The following SLC43A1 variants were observed in gnomAD, a reference collection of about 807,000 sequenced individuals.
SLC43A1 encodes large neutral amino acids transporter small subunit 3.
SLC43A1 carries 31 observed loss-of-function variants against 59.5 expected under a neutral mutation model. The observed-to-expected ratio is 0.52, with a 90% CI of 0.39 to 0.70. The LOEUF (loss-of-function observed/expected upper bound fraction) is 0.70, where lower values mean the gene tolerates loss of function less well. Among genes scored for constraint, SLC43A1 ranks in the 30% least tolerant of loss-of-function variants. The pLI is 0.00. For missense variants in SLC43A1, 598 were observed against 717.8 expected (o/e 0.83, Z 1.91); for synonymous variants, 259 against 290.9 (o/e 0.89, Z 1.12).
chr11:57,494,021 A>G lies in SLC43A1; in HGVS notation c.843T>C (p.Val281=). Residue 281 remains valine (V), a synonymous_variant, in exon 8 of 15, where the codon GTT becomes GTC. Coordinates refer to ENST00000278426, the MANE Select transcript of SLC43A1 (RefSeq NM_003627.6). ...CAGGAAGGTTTTCTGAGGTGCCCCG[A>G]ACATCCTGGGGTGACATGAAGGCAT... ...GSDAFMSPQD[V]RGTSENLPER... 2 of 1,600,018 alleles carry G rather than the reference A, an allele frequency of 1.2e-6. No individual in the cohort carries two copies.
At chr11:57,513,901 C>T (rs890527596) in intron 2 of SLC43A1, 57 bp downstream of exon 2, 13 of 1,412,724 alleles carry the variant, frequency 9.2e-6, no homozygotes, top group Admixed American at 5.9e-5. Context: ...TTTCTGGCTT[C>T]CACCTGCCCC....
chr11:57,491,261 C>A lies in SLC43A1; in HGVS notation c.1156G>T (p.Asp386Tyr), dbSNP rs1380729182. Residue 386 changes from aspartate to tyrosine, a missense_variant, in exon 11 of 15, where the codon GAC (aspartate) becomes TAC (tyrosine). Transcript: ENST00000278426. ...IMDWRIKDCV[D>Y]APTQGTVLGD... ...AGGACAGTGCCCTGAGTTGGGGCGT[C>A]CACGCAGTCCTTGATCCGCCAGTCC... 1 of 1,607,208 alleles carries A rather than the reference C, an allele frequency of 6.2e-7. No homozygotes were observed. The highest frequency in any genetic ancestry group is 1.1e-5 in the South Asian group (1 of 90,130).
rs146388978 is a variant in SLC43A1, at chr11:57,506,902, T to C, written c.155-5573A>G. ...TTGGGCACTTATGCTGGATATAGAGTAGTTTGTGATAAATTGAACTGCTTC... is the reference window on the plus strand; with the variant it reads ...TTGGGCACTTATGCTGGATATAGAGCAGTTTGTGATAAATTGAACTGCTTC... On this transcript the variant is annotated intron_variant, in intron 2 of 14. Coordinates refer to ENST00000278426, the MANE Select transcript of SLC43A1 (RefSeq NM_003627.6). Among the ~76,000 whole-genome samples the C allele has an allele frequency of 5.5e-3, 831 of 152,252 alleles. 3 individuals carry two copies. The highest frequency in any genetic ancestry group is 6.8e-3 in the Non-Finnish European group (461 of 68,020).
At chr11:57,489,468 C>G (rs1321686741) in intron 11 of SLC43A1, 76 bp from the exon 12 acceptor site, 17 of 1,544,556 alleles carry the variant, frequency 1.1e-5, no homozygotes, top group Middle Eastern at 3.4e-4. Context: ...GGCCCCTCCC[C>G]CTTCAGATGT....
intron 11 of SLC43A1, among the ~76,000 whole-genome samples, chr11:57,490,802 A>T (rs1290238079): frequency 6.6e-6 from 1 of 152,246 alleles, no homozygotes; most frequent in Non-Finnish European, 1.5e-5. Context: ...AATATCTAAT[A>T]TACCAACTCT....
rs140043169 is a variant in SLC43A1, at chr11:57,485,144, A to T, written c.1632T>A (p.Asn544Lys). ...TAAGCACCTTCAGTGGGCCCATCCC[A>T]TTGGCGGCGTACTCCTGCTGGAGCC... ...RARLQQEYAA[N>K]GMGPLKVLSG... The change falls in exon 15 of 15, where the codon AAT becomes AAA. Residue 544 changes from asparagine to lysine, a missense_variant. Physicochemically the swap from Asn to Lys is moderately conservative, Grantham distance 94 (BLOSUM62 0). Transcript: ENST00000278426. 1 of 1,614,060 alleles carries T rather than the reference A, an allele frequency of 6.2e-7. No homozygotes were observed. Among genetic ancestry groups the T allele is most frequent in the South Asian group, 1.1e-5 (1 of 91,078 alleles).
intron 8 of SLC43A1, 130 bp from the exon 9 acceptor site, chr11:57,491,992 G>T: frequency 2.2e-6 from 2 of 898,172 alleles, no homozygotes; most frequent in Non-Finnish European, 3.3e-6. Flanking sequence ...TTTCTTCAAA[G>T]ACGGGAAAGT....
intron 8 of SLC43A1, among the ~76,000 whole-genome samples, chr11:57,493,540 G>A (rs1018757624): frequency 6.6e-6 from 1 of 152,118 alleles, no homozygotes; most frequent in African/African-American, 2.4e-5. Flanking sequence ...TGGAGCTGGC[G>A]GTCCTGGGAT....
At chr11:57,510,231 C>T (rs1056772799) in intron 2 of SLC43A1, among the ~76,000 whole-genome samples, 8 of 151,154 alleles carry the variant, frequency 5.3e-5, no homozygotes, top group East Asian at 2.0e-4. Context: ...CCGAGGTGGG[C>T]GGATCACTTG....
At chr11:57,487,856 T>C (rs1181430101) in intron 13 of SLC43A1, among the ~76,000 whole-genome samples, 2 of 152,064 alleles carry the variant, frequency 1.3e-5, no homozygotes, top group Non-Finnish European at 2.9e-5. Context: ...AAGAATGTTC[T>C]AGAAACAGGG....
chr11:57,489,426 C>G (rs1023400204), intron 11 of SLC43A1, 34 bp from the exon 12 acceptor site: 2 of 1,611,646 alleles, frequency 1.2e-6, no homozygotes, highest in Non-Finnish European at 1.7e-6. Flanking sequence ...GCTGCTGCCT[C>G]TACGTTCCCA....
intron 2 of SLC43A1, among the ~76,000 whole-genome samples, chr11:57,513,536 T>G (rs561035499): frequency 6.6e-6 from 1 of 152,304 alleles, no homozygotes; most frequent in African/African-American, 2.4e-5. Flanking sequence ...AATGAGTAAT[T>G]TGAAAACCTG....
chr11:57,503,898 A>G (rs183658620), intron 2 of SLC43A1, among the ~76,000 whole-genome samples: 29 of 152,286 alleles, frequency 1.9e-4, no homozygotes, highest in Non-Finnish European at 1.9e-4. Flanking sequence ...TTCTCTTTAA[A>G]AAGTTAGAAG....
In SLC43A1 at chr11:57,485,385, C is replaced by T; in HGVS notation, c.1534-143G>A. 4 of 784,274 alleles carry T rather than the reference C, an allele frequency of 5.1e-6. No individual in the cohort carries two copies. The South Asian group carries it at 7.6e-5, about 15-fold the overall frequency. 48.6% of individuals were successfully genotyped at this position (784,274 alleles called of 1,614,324 possible). A position where few individuals can be genotyped will look rare whatever the true frequency, so the allele number is the denominator to read the frequency against. On this transcript the variant is annotated intron_variant, in intron 14 of 14. Coordinates refer to ENST00000278426, the MANE Select transcript of SLC43A1 (RefSeq NM_003627.6). ...GTACTTATTATGTGTAGTCATTGTT[C>T]CACCAGTATCTCACTTAATGTTCAG...
In SLC43A1 at chr11:57,485,028, T is replaced by C. The variant is rs1943690079; in HGVS notation, c.*68A>G. The C allele has an allele frequency of 1.3e-6, 2 of 1,515,132 alleles. No individual in the cohort carries two copies. Among genetic ancestry groups the C allele is most frequent in the East Asian group, 2.3e-5 (1 of 43,328 alleles). 93.9% of individuals were successfully genotyped at this position (1,515,132 alleles called of 1,614,324 possible). A position where few individuals can be genotyped will look rare whatever the true frequency, so the allele number is the denominator to read the frequency against. On this transcript the variant is annotated 3_prime_UTR_variant, in exon 15 of 15. Coordinates refer to ENST00000278426, the MANE Select transcript of SLC43A1 (RefSeq NM_003627.6). ...GTGCATGTTACAGGTAGAAAAGCCA[T>C]ATGGGGCACTCCTTTTGGTTGCTCA...
intron 14 of SLC43A1, among the ~76,000 whole-genome samples, chr11:57,486,643 CAA>C (rs745863972): frequency 1.6e-4 from 21 of 134,240 alleles, no homozygotes; most frequent in Non-Finnish European, 1.5e-4. Flanking sequence ...ACTAAAAATC[CAA>C]AAAAAAAAAA....
intron 8 of SLC43A1, among the ~76,000 whole-genome samples, 185 bp from the exon 9 acceptor site, chr11:57,492,047 T>C (rs1943921311): frequency 6.6e-6 from 1 of 152,052 alleles, no homozygotes; most frequent in African/African-American, 2.4e-5. Context: ...CAGAACATTT[T>C]TGGATGTATG....
chr11:57,489,062 G>T, intron 12 of SLC43A1, 73 bp from the exon 13 acceptor site: 2 of 1,495,632 alleles, frequency 1.3e-6, no homozygotes, highest in East Asian at 2.3e-5. Context: ...GTAGGGCGAA[G>T]AGGCCAACTG....
chr11:57,509,879 TA>T (rs1386007211), intron 2 of SLC43A1, among the ~76,000 whole-genome samples: 1 of 151,838 alleles, frequency 6.6e-6, no homozygotes, highest in Non-Finnish European at 1.5e-5. Flanking sequence ...TGTTGTGCAC[TA>T]AAGGACACCA....
Sources: allele counts gnomAD v4.1 joint callset (sites outside exome capture counted in the v4.1 genomes callset), GRCh38; gene constraint gnomAD v4.1.1; transcripts MANE v1.5; gene names NCBI Gene and HGNC (gene_info 2026-07-23, HGNC 2026-07-21).